The following TBC1D5 variants were observed in gnomAD, a reference collection of about 807,000 sequenced individuals.
The protein encoded by TBC1D5 is TBC1 domain family member 5.
In TBC1D5, 75 loss-of-function variants were observed where a neutral mutation model predicts 100.3. That is an observed-to-expected ratio of 0.75 (90% CI 0.62 to 0.91). The LOEUF is 0.91. TBC1D5 is among the 40% of genes least tolerant of loss of function. The pLI is 0.00. For synonymous variants in TBC1D5, 323 were observed against 325.6 expected (o/e 0.99, Z 0.09); for missense variants, 910 against 942.4 (o/e 0.97, Z 0.45).
At chr3:17,529,086 T>G (rs1181824840) in intron 2 of TBC1D5, among the ~76,000 whole-genome samples, 1 of 152,174 alleles carries the variant, frequency 6.6e-6, no homozygotes, top group Non-Finnish European at 1.5e-5. Context: ...AGATTGATTT[T>G]TAAAACAGTA....
chr3:17,197,512 A>G (rs1326673220), intron 18 of TBC1D5, among the ~76,000 whole-genome samples: 1 of 152,082 alleles, frequency 6.6e-6, no homozygotes, highest in African/African-American at 2.4e-5. Context: ...AAATAGCTAG[A>G]ATTACAGGTG....
intron 2 of TBC1D5, among the ~76,000 whole-genome samples, chr3:17,528,372 G>A (rs192533440): frequency 6.6e-6 from 1 of 152,246 alleles, no homozygotes; most frequent in Admixed American, 6.5e-5. Flanking sequence ...TTCACCATGT[G>A]AGGATACAAC....
chr3:17,494,124 C>G (rs541167731), intron 3 of TBC1D5, among the ~76,000 whole-genome samples: 2 of 152,080 alleles, frequency 1.3e-5, no homozygotes, highest in Admixed American at 1.3e-4. Flanking sequence ...GTCGTTGATG[C>G]TATTTGTTTT....
chr3:17,730,780 T>C (rs967751402), intron 1 of TBC1D5, among the ~76,000 whole-genome samples: 3 of 152,170 alleles, frequency 2.0e-5, no homozygotes, highest in African/African-American at 7.2e-5. Context: ...GAACAGTACC[T>C]GGTATTGGAC....
At chr3:17,359,195 T>G (rs570382299) in intron 13 of TBC1D5, among the ~76,000 whole-genome samples, 1 of 152,180 alleles carries the variant, frequency 6.6e-6, no homozygotes, top group South Asian at 2.1e-4. Flanking sequence ...GTAGAAAGCT[T>G]TTCTTAGGGT....
At chr3:17,528,716 C>T (rs1357177615) in intron 2 of TBC1D5, among the ~76,000 whole-genome samples, 1 of 152,100 alleles carries the variant, frequency 6.6e-6, no homozygotes, top group East Asian at 1.9e-4. Context: ...CTCTAGTAAG[C>T]ACCCAAAGCC....
chr3:17,324,038 C>A (rs968694166), intron 13 of TBC1D5, among the ~76,000 whole-genome samples: 5 of 152,176 alleles, frequency 3.3e-5, no homozygotes, highest in African/African-American at 1.2e-4. Flanking sequence ...TCAATTGATT[C>A]TTGCTAAACA....
intron 16 of TBC1D5, among the ~76,000 whole-genome samples, chr3:17,251,519 A>G (rs2077184652): frequency 6.8e-6 from 1 of 146,502 alleles, no homozygotes. Context: ...TGCTACATCT[A>G]TGGCAATGGG....
intron 5 of TBC1D5, 91 bp downstream of exon 5, chr3:17,406,326 CA>C (rs2093768489): frequency 9.0e-7 from 1 of 1,106,224 alleles, no homozygotes; most frequent in Non-Finnish European, 1.3e-6. Flanking sequence ...TTGGAAAATT[CA>C]GTGATCCCCT....
At chr3:17,662,133 T>A (rs1207149191) in intron 1 of TBC1D5, among the ~76,000 whole-genome samples, 1 of 152,110 alleles carries the variant, frequency 6.6e-6, no homozygotes, top group Non-Finnish European at 1.5e-5. Context: ...CCCCAAGCAA[T>A]CCTCTCACCT....
chr3:17,513,966 G>A (rs372024265), intron 2 of TBC1D5, among the ~76,000 whole-genome samples: 32 of 152,098 alleles, frequency 2.1e-4, no homozygotes, highest in African/African-American at 6.7e-4. Flanking sequence ...GTAGCTAAAG[G>A]TAAATTCAAT....
chr3:17,689,739 G>GC (rs1282784636), intron 1 of TBC1D5, among the ~76,000 whole-genome samples: 1 of 152,140 alleles, frequency 6.6e-6, no homozygotes, highest in African/African-American at 2.4e-5. Flanking sequence ...GGAAGACACT[G>GC]CCCCCAGGGG....
chr3:17,696,419 TCAC>T (rs1166911477), intron 1 of TBC1D5, among the ~76,000 whole-genome samples: 1 of 152,038 alleles, frequency 6.6e-6, no homozygotes, highest in African/African-American at 2.4e-5. Flanking sequence ...AAAGGGGATA[TCAC>T]CACCTATTAC....
chr3:17,285,248 CTTTTTTTTTTTTT>C (rs373843978), intron 15 of TBC1D5, among the ~76,000 whole-genome samples: 7 of 104,704 alleles, frequency 6.7e-5, no homozygotes, highest in East Asian at 1.2e-3. Flanking sequence ...ATTTTAGATT[CTTTTTTTTTTTTT>C]TTTTTTTTTT....
chr3:17,250,010 T>C (rs141807778), intron 16 of TBC1D5, among the ~76,000 whole-genome samples: 128 of 152,300 alleles, frequency 8.4e-4, no homozygotes, highest in African/African-American at 2.8e-3. Flanking sequence ...GAGCACATGC[T>C]ATTGAAAAAA....
intron 13 of TBC1D5, 91 bp from the exon 14 acceptor site, chr3:17,308,225 T>A: frequency 8.1e-7 from 1 of 1,241,842 alleles, no homozygotes; most frequent in South Asian, 2.0e-5. Flanking sequence ...AACTATTAAC[T>A]GAACACAGTG....
intron 13 of TBC1D5, among the ~76,000 whole-genome samples, chr3:17,353,555 TATAA>T (rs2090884785): frequency 6.6e-6 from 1 of 152,122 alleles, no homozygotes; most frequent in African/African-American, 2.4e-5. Context: ...AGCCATCATC[TATAA>T]ATATAGACTA....
intron 1 of TBC1D5, among the ~76,000 whole-genome samples, chr3:17,700,956 T>A (rs1279460227): frequency 1.3e-5 from 2 of 152,140 alleles, no homozygotes; most frequent in Non-Finnish European, 2.9e-5. Context: ...GAAATACCAT[T>A]TGACCCAGCC....
chr3:17,474,268 C>G (rs1039797049), intron 3 of TBC1D5, among the ~76,000 whole-genome samples: 1 of 152,102 alleles, frequency 6.6e-6, no homozygotes, highest in African/African-American at 2.4e-5. Context: ...AAACTACTTA[C>G]TCATCAAAAC....
Sources: allele counts gnomAD v4.1 joint callset (sites outside exome capture counted in the v4.1 genomes callset), GRCh38; gene constraint gnomAD v4.1.1; transcripts MANE v1.5; gene names NCBI Gene and HGNC (gene_info 2026-07-23, HGNC 2026-07-21).